Variants in RNF14 observed in about 807,000 individuals in gnomAD.
The protein encoded by RNF14 is E3 ubiquitin-protein ligase RNF14.
RNF14 carries 26 observed loss-of-function variants against 52.6 expected under a neutral mutation model. The observed-to-expected ratio is 0.49, with a 90% CI of 0.36 to 0.69. RNF14 has a LOEUF of 0.69. RNF14 is among the 30% of genes least tolerant of loss of function. The pLI, the probability that RNF14 is intolerant of heterozygous loss-of-function variation, is 0.00. For synonymous variants in RNF14, 194 were observed against 202.0 expected (o/e 0.96, Z 0.34); for missense variants, 404 against 560.4 (o/e 0.72, Z 2.82).
chr5:141,982,615 C>T (rs1754879555), intron 6 of RNF14: 1 of 152,178 alleles, frequency 6.6e-6, no homozygotes, highest in African/African-American at 2.4e-5. Context: ...GATTGGTTAC[C>T]TGTTCCATTT....
chr5:141,973,260 C>T (rs1230602826), intron 2 of RNF14, among the ~76,000 whole-genome samples: 3 of 110,908 alleles, frequency 2.7e-5, no homozygotes, highest in East Asian at 5.8e-4. Flanking sequence ...TTTTTTGAAA[C>T]GGAGTTTCAC....
chr5:141,956,029 A>T, upstream of RNF14: 1 of 1,614,042 alleles, frequency 6.2e-7, no homozygotes. Context: ...GTGAGTGGCC[A>T]GTGGAGGTGT....
At chr5:141,986,408 T>C (rs1465322372) in intron 8 of RNF14, among the ~76,000 whole-genome samples, 1 of 152,194 alleles carries the variant, frequency 6.6e-6, no homozygotes, top group African/African-American at 2.4e-5. Flanking sequence ...ATTCTACAAA[T>C]GGAGGGTGCA....
At chr5:141,969,514 C>T (rs1187630647) in intron 1 of RNF14, 3 of 152,160 alleles carry the variant, frequency 2.0e-5, no homozygotes, top group Non-Finnish European at 4.4e-5. Context: ...GGCAGTCGCC[C>T]AAACGACGCC....
At chr5:141,959,637 C>G (rs1753239102) in intron 1 of RNF14, among the ~76,000 whole-genome samples, 3 of 152,162 alleles carry the variant, frequency 2.0e-5, no homozygotes, top group African/African-American at 7.2e-5. Flanking sequence ...GTCATCAGGA[C>G]TGGGGTGGCT....
chr5:141,954,810 G>A (rs1324352330), upstream of RNF14, among the ~76,000 whole-genome samples: 2 of 152,180 alleles, frequency 1.3e-5, no homozygotes, highest in Non-Finnish European at 2.9e-5. Context: ...AAGTTCAGCC[G>A]ATCACAAAGC....
upstream of RNF14, chr5:141,955,343 C>T (rs1314478063): frequency 3.1e-6 from 5 of 1,614,178 alleles, no homozygotes; most frequent in Non-Finnish European, 4.2e-6. This position sits in a 1 kb window ranked among gnomAD's most constrained non-coding sequence, Gnocchi z 5.5. Context: ...TCTCGGCTCT[C>T]CGCCGGTGCT....
chr5:141,968,915 A>G (rs1753463511), upstream of RNF14: 1 of 152,244 alleles, frequency 6.6e-6, no homozygotes, highest in Non-Finnish European at 1.5e-5. Flanking sequence ...CCCCATCAGA[A>G]CTACTGAAAA....
At chr5:141,961,193 A>G (rs1286063978) in intron 1 of RNF14, among the ~76,000 whole-genome samples, 1 of 151,994 alleles carries the variant, frequency 6.6e-6, no homozygotes. Context: ...ACATGCAGTT[A>G]TATATCTGTT....
At chr5:141,956,534 A>G, upstream of RNF14, 1 of 1,614,184 alleles carries the variant, frequency 6.2e-7, no homozygotes, top group South Asian at 1.1e-5. Flanking sequence ...TTGGCTGATA[A>G]GGGCTGGAGT....
intron 5 of RNF14, 110 bp downstream of exon 5, chr5:141,978,940 C>G (rs1384597584): frequency 8.6e-7 from 1 of 1,165,932 alleles, no homozygotes; most frequent in Non-Finnish European, 1.2e-6. Flanking sequence ...GGCCTTGGAG[C>G]CAGCCCACAA....
chr5:141,956,851 G>T (rs1245550892), upstream of RNF14: 1 of 1,614,234 alleles, frequency 6.2e-7, no homozygotes, highest in East Asian at 2.2e-5. Context: ...TTTGCAATGG[G>T]CTGGGATAGG....
upstream of RNF14, chr5:141,955,336 C>T (rs774638036): frequency 3.7e-6 from 6 of 1,614,052 alleles, no homozygotes; most frequent in East Asian, 4.5e-5. This position sits in a 1 kb window ranked among gnomAD's most constrained non-coding sequence, Gnocchi z 5.5. Flanking sequence ...CAGCACCTCT[C>T]GGCTCTCCGC....
At chr5:141,950,461 G>A in the RNF14 span, among the ~76,000 whole-genome samples, 2 of 152,142 alleles carry the variant, frequency 1.3e-5, no homozygotes, top group East Asian at 3.9e-4. Context: ...GGCCTTATGC[G>A]ATGCAAGGTC....
At chr5:141,954,005 T>A (rs2126925396), upstream of RNF14, among the ~76,000 whole-genome samples, 1 of 152,308 alleles carries the variant, frequency 6.6e-6, no homozygotes, top group South Asian at 2.1e-4. Context: ...CCCACTTGTG[T>A]CTAGAAAATC....
chr5:141,962,003 A>G (rs1753278576), upstream of RNF14, among the ~76,000 whole-genome samples: 1 of 152,150 alleles, frequency 6.6e-6, no homozygotes, highest in Non-Finnish European at 1.5e-5. Flanking sequence ...TGGGGAAGCC[A>G]AGAAGCATCC....
chr5:141,954,341 A>C (rs1753139656), upstream of RNF14, among the ~76,000 whole-genome samples: 1 of 152,192 alleles, frequency 6.6e-6, no homozygotes, highest in African/African-American at 2.4e-5. Context: ...CTTCATAGGG[A>C]AGTTGCCCAG....
intron 4 of RNF14, 141 bp downstream of exon 4, chr5:141,975,096 G>A (rs1006564891): frequency 1.2e-6 from 1 of 817,682 alleles, no homozygotes; most frequent in East Asian, 2.7e-5. Flanking sequence ...CCTTGCCTTG[G>A]TGAATCCTGA....
chr5:141,962,740 C>T (rs1440244226), upstream of RNF14, among the ~76,000 whole-genome samples: 2 of 152,048 alleles, frequency 1.3e-5, no homozygotes, highest in Non-Finnish European at 2.9e-5. Flanking sequence ...TGTTCTTTTC[C>T]AAATTTATTT....
Sources: allele counts gnomAD v4.1 joint callset (sites outside exome capture counted in the v4.1 genomes callset), GRCh38; gene constraint gnomAD v4.1.1; non-coding constraint Gnocchi (gnomAD v3.1); transcripts MANE v1.5; gene names NCBI Gene and HGNC (gene_info 2026-07-23, HGNC 2026-07-21).